Variants in RNF13 observed in about 807,000 individuals in gnomAD.
RNF13 encodes E3 ubiquitin-protein ligase RNF13.
Under a neutral mutation model 37.7 loss-of-function variants are expected in RNF13, and 19 were observed. The ratio of observed to expected loss-of-function variants is 0.50; its 90% CI spans 0.35 to 0.74. RNF13 has a LOEUF of 0.74. Among genes scored for constraint, RNF13 ranks in the 30% least tolerant of loss-of-function variants. The probability of loss-of-function intolerance (pLI) is 0.01; values close to 1 mark genes in which losing one functional copy is unlikely to be tolerated. For missense variants in RNF13, 375 were observed against 453.0 expected (o/e 0.83, Z 1.56); for synonymous variants, 144 against 157.8 (o/e 0.91, Z 0.65).
chr3:149,846,682 A>C (rs572103960), intron 2 of RNF13, among the ~76,000 whole-genome samples: 1 of 152,306 alleles, frequency 6.6e-6, no homozygotes, highest in South Asian at 2.1e-4. Flanking sequence ...AATGTTGCTC[A>C]TGAGGGTATG....
intron 8 of RNF13, among the ~76,000 whole-genome samples, chr3:149,931,245 T>G (rs1719134390): frequency 6.6e-6 from 1 of 151,984 alleles, no homozygotes; most frequent in African/African-American, 2.4e-5. Flanking sequence ...TTTATTTTTA[T>G]TTTTTTAGAG....
chr3:149,852,719 A>G, intron 3 of RNF13, 123 bp downstream of exon 3: 1 of 443,262 alleles, frequency 2.3e-6, no homozygotes, highest in African/African-American at 2.0e-5. Flanking sequence ...ATATATAGTC[A>G]TTTGTAAAGG....
At chr3:149,939,836 C>A in intron 8 of RNF13, 3 of 508,046 alleles carry the variant, frequency 5.9e-6, no homozygotes, top group Non-Finnish European at 7.6e-6. Context: ...AGAAGGTGGA[C>A]AGAGATAAAC....
intron 1 of RNF13, among the ~76,000 whole-genome samples, chr3:149,837,392 C>A (rs1446981667): frequency 3.3e-5 from 5 of 152,080 alleles, no homozygotes; most frequent in Non-Finnish European, 7.3e-5. Context: ...ATAGATAGCT[C>A]CCCAAATAAG....
chr3:149,893,174 A>G (rs1007610620), intron 4 of RNF13, among the ~76,000 whole-genome samples: 8 of 152,190 alleles, frequency 5.3e-5, no homozygotes, highest in Admixed American at 5.2e-4. Flanking sequence ...AAGCTCAGCA[A>G]ACTACTTGCT....
chr3:149,865,162 G>A (rs549596262), intron 3 of RNF13, among the ~76,000 whole-genome samples: 3 of 151,492 alleles, frequency 2.0e-5, no homozygotes. Flanking sequence ...TCCTTAACCA[G>A]TGTGATCTAA....
At chr3:149,855,298 G>A (rs899976053) in intron 3 of RNF13, among the ~76,000 whole-genome samples, 3 of 151,994 alleles carry the variant, frequency 2.0e-5, no homozygotes, top group Non-Finnish European at 4.4e-5. Context: ...CAGCCTGGGC[G>A]ACAGAGTGAG....
intron 4 of RNF13, among the ~76,000 whole-genome samples, chr3:149,878,821 G>A (rs1054416375): frequency 5.9e-5 from 9 of 152,076 alleles, no homozygotes; most frequent in Admixed American, 1.3e-4. Flanking sequence ...AGACATCTGG[G>A]TGGGGAGAAA....
At chr3:149,838,563 GA>G (rs1278785159) in intron 1 of RNF13, among the ~76,000 whole-genome samples, 1 of 152,192 alleles carries the variant, frequency 6.6e-6, no homozygotes, top group Non-Finnish European at 1.5e-5. Flanking sequence ...TGCATCCTCT[GA>G]AGCCAGGGCC....
chr3:149,961,098 T>G lies in RNF13; in HGVS notation c.1140T>G (p.Thr380=). 1.9e-6 allele frequency: 3 copies of G among 1,596,344 alleles called. No individual in the cohort carries two copies. The highest frequency in any genetic ancestry group is 2.6e-6 in the Non-Finnish European group (3 of 1,170,286). ...NGERDYNIAN[T]V The stretch of plus-strand genomic sequence containing the variant: ...AACGGGATTACAACATAGCAAATAC[T>G]GTTTGACTTTCAGAAGATGATTGGT... The change falls in exon 10 of 10, where the codon ACT becomes ACG. Residue 380 remains threonine (T), a synonymous_variant. Coordinates refer to ENST00000392894, the MANE Select transcript of RNF13 (RefSeq NM_183381.3).
intron 1 of RNF13, among the ~76,000 whole-genome samples, chr3:149,824,632 A>AAAAATATAT (rs1720302468): frequency 6.6e-6 from 1 of 152,078 alleles, no homozygotes; most frequent in Non-Finnish European, 1.5e-5. Flanking sequence ...TTTTTGTGAA[A>AAAAATATAT]GGAAATGACC....
At chr3:149,912,905 T>A (rs1717135339) in intron 7 of RNF13, among the ~76,000 whole-genome samples, 1 of 152,136 alleles carries the variant, frequency 6.6e-6, no homozygotes, top group African/African-American at 2.4e-5. Context: ...TTCTATAGGC[T>A]ACATGATGTG....
At chr3:149,815,597 C>T (rs1277366586) in intron 1 of RNF13, among the ~76,000 whole-genome samples, 4 of 152,090 alleles carry the variant, frequency 2.6e-5, no homozygotes, top group Non-Finnish European at 4.4e-5. Context: ...AAGCGAATTC[C>T]TTTTAATAAA....
intron 4 of RNF13, among the ~76,000 whole-genome samples, chr3:149,880,295 T>G (rs528778560): frequency 6.6e-6 from 1 of 152,326 alleles, no homozygotes; most frequent in South Asian, 2.1e-4. Context: ...GAGAAATCAT[T>G]AAGATTTGAT....
chr3:149,822,278 G>T (rs1720055327), intron 1 of RNF13, among the ~76,000 whole-genome samples: 2 of 152,068 alleles, frequency 1.3e-5, no homozygotes, highest in Non-Finnish European at 2.9e-5. Context: ...GTACCTGGAT[G>T]TGTGTTTGAT....
intron 3 of RNF13, among the ~76,000 whole-genome samples, chr3:149,868,602 C>CAG (rs1305318616): frequency 3.3e-5 from 5 of 150,766 alleles, no homozygotes; most frequent in Admixed American, 6.6e-5. Context: ...CCCAACCCTT[C>CAG]TCCTTCCCTC....
At chr3:149,884,849 C>G (rs1028866516) in intron 4 of RNF13, among the ~76,000 whole-genome samples, 5 of 150,042 alleles carry the variant, frequency 3.3e-5, no homozygotes, top group African/African-American at 9.8e-5. Flanking sequence ...CTTATTTATT[C>G]TGTGTGTGTG....
At chr3:149,828,719 A>G (rs955243139) in intron 1 of RNF13, among the ~76,000 whole-genome samples, 2 of 151,802 alleles carry the variant, frequency 1.3e-5, no homozygotes, top group African/African-American at 2.4e-5. Flanking sequence ...CCCACTGCCT[A>G]TTGACTTGCA....
intron 4 of RNF13, among the ~76,000 whole-genome samples, chr3:149,885,925 G>A (rs1447829824): frequency 6.6e-6 from 1 of 152,078 alleles, no homozygotes; most frequent in East Asian, 1.9e-4. Context: ...AAGAAATAGG[G>A]GTCTAGTTTC....
Sources: allele counts gnomAD v4.1 joint callset (sites outside exome capture counted in the v4.1 genomes callset), GRCh38; gene constraint gnomAD v4.1.1; transcripts MANE v1.5; gene names NCBI Gene and HGNC (gene_info 2026-07-23, HGNC 2026-07-21).